The following LIN9 variants were observed in gnomAD, a reference collection of about 807,000 sequenced individuals.
The protein encoded by LIN9 is protein lin-9 homolog.
Under a neutral mutation model 78.0 loss-of-function variants are expected in LIN9, and 18 were observed. The ratio of observed to expected loss-of-function variants is 0.23; its 90% CI spans 0.16 to 0.34. LIN9 has a LOEUF of 0.34. Among genes scored for constraint, LIN9 ranks in the 10% least tolerant of loss-of-function variants. LIN9 has a pLI of 1.00. For synonymous variants in LIN9, 192 were observed against 215.2 expected, an observed-to-expected ratio of 0.89 and a Z score of 0.94; for missense variants, 451 against 644.1, an observed-to-expected ratio of 0.70 and a Z score of 3.25.
rs753096875 is a variant in LIN9 at position 226,233,438 on chromosome 1, C to T, written c.1331G>A (p.Arg444Gln). 19 of 1,614,088 alleles carry T rather than the reference C, an allele frequency of 1.2e-5. No individual in the cohort carries two copies. The highest frequency in any genetic ancestry group is 2.2e-5 in the South Asian group (2 of 91,066). Residue 444 changes from arginine to glutamine, a missense_variant, in exon 13 of 15, where the codon CGG becomes CAG. Arg to Gln is a conservative substitution (Grantham distance 43, BLOSUM62 1). Transcript: ENST00000681046. The part of the protein sequence containing the change: ...RCEEEAQEIV[R>Q]HANSSTGQPC... The stretch of plus-strand genomic sequence containing the variant: ...CTGTCCTGTTGAGGAATTTGCATGC[C>T]GAACAATTTCCTGTGCTTCTTCCTC...
At chr1:226,306,279 C>T (rs1454662999) in intron 1 of LIN9, among the ~76,000 whole-genome samples, 2 of 151,666 alleles carry the variant, frequency 1.3e-5, no homozygotes, top group African/African-American at 4.9e-5. Flanking sequence ...GAGCTGAGAT[C>T]GCACACTGCA....
intron 1 of LIN9, among the ~76,000 whole-genome samples, chr1:226,307,319 A>G (rs568947142): frequency 3.9e-5 from 6 of 152,314 alleles, no homozygotes; most frequent in African/African-American, 1.2e-4. Flanking sequence ...GTAGGTCCAC[A>G]CTCATTTGGG....
Position 226,309,160 on chromosome 1 carries a change from T to C in LIN9, c.-21A>G, listed in dbSNP as rs1331378571. 7.2e-7 allele frequency: 1 copy of C among 1,392,790 alleles called. No individual in the cohort carries two copies. The highest frequency in any genetic ancestry group is 1.8e-5 in the South Asian group (1 of 54,372). 86.3% of individuals were successfully genotyped at this position (1,392,790 alleles called of 1,614,324 possible). ...GCCATCTTGAACGAGCCGCGCCGCT[T>C]TTTCAAAGGCTGCCCGCCGCGGTGC... On this transcript the variant is annotated 5_prime_UTR_variant, in exon 1 of 15. Coordinates refer to ENST00000681046, the MANE Select transcript of LIN9 (RefSeq NM_001366245.2).
intron 7 of LIN9, among the ~76,000 whole-genome samples, chr1:226,270,309 T>C (rs1297900133): frequency 6.6e-6 from 1 of 152,054 alleles, no homozygotes; most frequent in Non-Finnish European, 1.5e-5. Context: ...GAATAAAAAA[T>C]GAAGCAGAGA....
At chr1:226,283,172 G>C (rs1661173563) in intron 6 of LIN9, among the ~76,000 whole-genome samples, 1 of 151,904 alleles carries the variant, frequency 6.6e-6, no homozygotes, top group Non-Finnish European at 1.5e-5. Context: ...TGTTGCCCAG[G>C]CTTGAGTGCA....
At chr1:226,251,079 CAG>C (rs1344578462) in intron 10 of LIN9, among the ~76,000 whole-genome samples, 160 bp from the exon 11 acceptor site, 5 of 151,916 alleles carry the variant, frequency 3.3e-5, no homozygotes, top group Non-Finnish European at 7.4e-5. Context: ...TTTTCTGAGA[CAG>C]AGTCTCCCTC....
intron 12 of LIN9, among the ~76,000 whole-genome samples, chr1:226,237,556 T>TGGGAGGCA (rs1326976729): frequency 7.0e-6 from 1 of 143,202 alleles, no homozygotes; most frequent in Non-Finnish European, 1.5e-5. Context: ...CACTTGAACC[T>TGGGAGGCA]GGGAGGCAGA....
intron 6 of LIN9, among the ~76,000 whole-genome samples, chr1:226,282,157 C>T (rs574983876): frequency 6.6e-6 from 1 of 152,228 alleles, no homozygotes; most frequent in East Asian, 1.9e-4. Flanking sequence ...TACATAGAAA[C>T]CATCTTCTGT....
chr1:226,272,337 T>G (rs1371152748), intron 7 of LIN9, among the ~76,000 whole-genome samples: 1 of 151,664 alleles, frequency 6.6e-6, no homozygotes, highest in African/African-American at 2.4e-5. Context: ...ATTACAGGCA[T>G]GAGCCACCAT....
intron 12 of LIN9, among the ~76,000 whole-genome samples, chr1:226,234,968 T>G (rs1160093391): frequency 6.8e-6 from 1 of 148,058 alleles, no homozygotes; most frequent in Non-Finnish European, 1.5e-5. Context: ...CTCAGCTCAC[T>G]GCAACCTCTG....
In LIN9 at chr1:226,231,378, T is replaced by C. The variant is rs1277320772; in HGVS notation, c.*1123A>G. 2.0e-5 allele frequency: 3 copies of C among 152,476 alleles called. No homozygotes were observed. Among genetic ancestry groups the C allele is most frequent in the Non-Finnish European group, 4.4e-5 (3 of 67,986 alleles). The allele number at this position is 152,476 out of a possible 1,614,324, so 9.4% of individuals were successfully genotyped here. Reference sequence around the variant, plus strand: ...TTATTATACATTAACATATAAAAAGTCTCATTTTATGAGACATCTAAAGGA... The same window carrying C: ...TTATTATACATTAACATATAAAAAGCCTCATTTTATGAGACATCTAAAGGA... On this transcript the variant is annotated 3_prime_UTR_variant, in exon 15 of 15. Coordinates refer to ENST00000681046, the MANE Select transcript of LIN9 (RefSeq NM_001366245.2).
upstream of LIN9, chr1:226,309,232 C>T (rs753349227): frequency 5.7e-6 from 8 of 1,410,102 alleles, no homozygotes; most frequent in Admixed American, 6.8e-5. Context: ...GAATGCGGAG[C>T]TCGCTGCCCG....
intron 10 of LIN9, among the ~76,000 whole-genome samples, chr1:226,256,556 T>A (rs1476744162): frequency 2.0e-5 from 3 of 150,002 alleles, no homozygotes; most frequent in East Asian, 1.9e-4. Flanking sequence ...AAAATAAATA[T>A]ATATATATAT....
At chr1:226,294,914 C>T (rs961611027) in intron 4 of LIN9, among the ~76,000 whole-genome samples, 4 of 151,704 alleles carry the variant, frequency 2.6e-5, no homozygotes, top group Admixed American at 6.6e-5. Context: ...ATTCTCATGC[C>T]TCAGCCTCTC....
rs188420024 is a variant in LIN9, at chr1:226,248,288, T to C, written c.1119+2551A>G. Reference sequence around the variant, plus strand: ...AATCTCACTTCTGCACTTCATCATATTTGCCAACTCTGGATCTAGGGCCTC... The same window carrying C: ...AATCTCACTTCTGCACTTCATCATACTTGCCAACTCTGGATCTAGGGCCTC... On this transcript the variant is annotated intron_variant, in intron 11 of 14. Coordinates refer to ENST00000681046, the MANE Select transcript of LIN9 (RefSeq NM_001366245.2). Among the ~76,000 whole-genome samples the C allele has an allele frequency of 5.2e-4, 79 of 152,364 alleles. 1 individual carries two copies. The highest frequency in any genetic ancestry group is 4.8e-3 in the Admixed American group (74 of 15,302).
intron 2 of LIN9, among the ~76,000 whole-genome samples, chr1:226,298,254 G>C (rs1662280042): frequency 6.6e-6 from 1 of 152,160 alleles, no homozygotes; most frequent in East Asian, 1.9e-4. Flanking sequence ...CATCGCCCAG[G>C]CTGGAGTGCA....
chr1:226,280,953 A>G (rs1661009895), intron 6 of LIN9, among the ~76,000 whole-genome samples: 1 of 152,232 alleles, frequency 6.6e-6, no homozygotes, highest in South Asian at 2.1e-4. Context: ...TATATCAAAG[A>G]GATATCTGTA....
At chr1:226,277,216 G>GA (rs71168975) in intron 7 of LIN9, among the ~76,000 whole-genome samples, 3,540 of 91,512 alleles carry the variant, frequency 0.039, 40 homozygotes, top group Non-Finnish European at 0.055. Flanking sequence ...GTCTCAAAAA[G>GA]AAAAAAAAAA....
upstream of LIN9, chr1:226,309,248 C>T (rs746188634): frequency 5.3e-6 from 7 of 1,311,226 alleles, no homozygotes; most frequent in South Asian, 3.8e-5. Flanking sequence ...GCCCGCGGCG[C>T]CGCGCTGCGC....
Sources: gnomAD v4.1 joint callset for allele counts (sites outside exome capture counted in the v4.1 genomes callset) on GRCh38, gnomAD v4.1.1 for gene constraint, MANE v1.5 for transcripts, NCBI Gene and HGNC (gene_info 2026-07-23, HGNC 2026-07-21) for gene names.